Variants in DRC8 observed in about 807,000 individuals in gnomAD.
The protein encoded by DRC8 is dynein regulatory complex protein 8.
the DRC8 span, among the ~76,000 whole-genome samples, chr1:245,030,143 G>C: frequency 3.9e-5 from 6 of 152,170 alleles, no homozygotes; most frequent in Admixed American, 3.3e-4. Context: ...GCACCACAAA[G>C]AACAGCTCAT....
chr1:245,088,583 G>A, the DRC8 span, among the ~76,000 whole-genome samples: 1 of 152,220 alleles, frequency 6.6e-6, no homozygotes, highest in Non-Finnish European at 1.5e-5. This position sits in a 1 kb window ranked among gnomAD's most constrained non-coding sequence, Gnocchi z 4.6. Flanking sequence ...AGTGAGGGAA[G>A]CCTGCAAGGC....
the DRC8 span, among the ~76,000 whole-genome samples, chr1:245,018,218 C>G: frequency 7.6e-6 from 1 of 131,012 alleles, no homozygotes; most frequent in Non-Finnish European, 1.6e-5. Context: ...CAGAGCGAGA[C>G]TCTGTCTCAA....
the DRC8 span, among the ~76,000 whole-genome samples, chr1:244,985,136 C>T: frequency 4.2e-5 from 6 of 144,008 alleles, no homozygotes; most frequent in East Asian, 2.1e-4. Context: ...ACGCATTCTA[C>T]ACTTCATTAT....
chr1:245,088,720 G>A, the DRC8 span, among the ~76,000 whole-genome samples: 1 of 152,182 alleles, frequency 6.6e-6, no homozygotes, highest in African/African-American at 2.4e-5. This position sits in a 1 kb window ranked among gnomAD's most constrained non-coding sequence, Gnocchi z 4.6. Context: ...AGCGGAGAAG[G>A]CTTCCCAGGA....
chr1:245,024,409 T>C, the DRC8 span, among the ~76,000 whole-genome samples: 1 of 152,130 alleles, frequency 6.6e-6, no homozygotes, highest in Non-Finnish European at 1.5e-5. Flanking sequence ...GATGATAGAG[T>C]CTCTCATCTT....
chr1:245,041,472 G>T, the DRC8 span, among the ~76,000 whole-genome samples: 1 of 152,220 alleles, frequency 6.6e-6, no homozygotes, highest in African/African-American at 2.4e-5. Context: ...AGCAGAAGCA[G>T]AATGACAGCC....
chr1:245,116,168 A>G, the DRC8 span, among the ~76,000 whole-genome samples: 1 of 152,010 alleles, frequency 6.6e-6, no homozygotes, highest in Non-Finnish European at 1.5e-5. Context: ...GATTATAGAC[A>G]TGAGCCACTG....
chr1:244,970,175 C>T, the DRC8 span: 58 of 705,872 alleles, frequency 8.2e-5, no homozygotes, highest in Non-Finnish European at 1.4e-4. Context: ...AGGGACAAGG[C>T]CGGGGGCCGG....
the DRC8 span, among the ~76,000 whole-genome samples, chr1:244,991,177 A>G: frequency 6.6e-6 from 1 of 152,314 alleles, no homozygotes; most frequent in Admixed American, 6.5e-5. Flanking sequence ...GAACTCAAGG[A>G]AACACTTTGT....
At chr1:245,016,695 A>G in the DRC8 span, among the ~76,000 whole-genome samples, 6 of 152,230 alleles carry the variant, frequency 3.9e-5, no homozygotes, top group Non-Finnish European at 7.3e-5. Context: ...CTGAATATAT[A>G]TATGAGTGTT....
the DRC8 span, among the ~76,000 whole-genome samples, chr1:245,060,957 C>G: frequency 9.9e-5 from 15 of 152,214 alleles, no homozygotes; most frequent in African/African-American, 3.6e-4. Context: ...TTCCTGACTA[C>G]AAGGGCAGAG....
chr1:245,121,899 T>C, the DRC8 span: 1 of 419,680 alleles, frequency 2.4e-6, no homozygotes, highest in Non-Finnish European at 4.6e-6. Context: ...TTTTTTCTTA[T>C]TTTATTTTAT....
chr1:245,095,269 T>C, the DRC8 span, among the ~76,000 whole-genome samples: 11 of 152,240 alleles, frequency 7.2e-5, no homozygotes, highest in African/African-American at 2.6e-4. Context: ...TAGGCAGCCA[T>C]GTGGAAGGCA....
chr1:245,013,493 A>T, the DRC8 span, among the ~76,000 whole-genome samples: 1 of 152,200 alleles, frequency 6.6e-6, no homozygotes, highest in Non-Finnish European at 1.5e-5. Context: ...TCAGTGAGAT[A>T]AGGCAAATAT....
chr1:245,035,436 C>G, the DRC8 span, among the ~76,000 whole-genome samples: 1 of 152,106 alleles, frequency 6.6e-6, no homozygotes, highest in African/African-American at 2.4e-5. Flanking sequence ...GTCAATTGAT[C>G]TTCAATAAAG....
the DRC8 span, among the ~76,000 whole-genome samples, chr1:245,114,433 C>G: frequency 6.6e-6 from 1 of 151,598 alleles, no homozygotes; most frequent in African/African-American, 2.4e-5. Context: ...CCACTGCACT[C>G]CAGCCTGGGC....
chr1:245,081,484 A>G, the DRC8 span, among the ~76,000 whole-genome samples: 1 of 136,316 alleles, frequency 7.3e-6, no homozygotes, highest in African/African-American at 2.8e-5. Flanking sequence ...TTATTTTTTT[A>G]TTGAGATGGA....
the DRC8 span, chr1:245,083,480 T>G: frequency 6.2e-7 from 1 of 1,613,752 alleles, no homozygotes; most frequent in Non-Finnish European, 8.5e-7. Flanking sequence ...CTTCGAGCTT[T>G]TGAGGTATGT....
the DRC8 span, among the ~76,000 whole-genome samples, chr1:245,117,073 A>C: frequency 1.3e-5 from 2 of 152,072 alleles, no homozygotes; most frequent in African/African-American, 4.8e-5. Flanking sequence ...CTTTTTTGTG[A>C]GACAGAGTCT....
Sources: gnomAD v4.1 joint callset for allele counts (sites outside exome capture counted in the v4.1 genomes callset) on GRCh38, gnomAD v4.1.1 for gene constraint, Gnocchi (gnomAD v3.1) non-coding constraint, MANE v1.5 for transcripts, NCBI Gene and HGNC (gene_info 2026-07-23, HGNC 2026-07-21) for gene names.